The following CAMTA1 variants were observed in gnomAD, a reference collection of about 807,000 sequenced individuals.
CAMTA1 encodes the protein calmodulin binding transcription activator 1.
CAMTA1 carries 27 observed loss-of-function variants against 170.9 expected under a neutral mutation model. The observed-to-expected ratio is 0.16, with a 90% confidence interval of 0.12 to 0.22. CAMTA1 has a LOEUF of 0.22. Among genes scored for constraint, CAMTA1 ranks in the 10% least tolerant of loss-of-function variants. CAMTA1 has a pLI of 1.00. For missense variants in CAMTA1, 1,619 were observed against 2,217.2 expected (o/e 0.73, Z 5.42); for synonymous variants, 833 against 891.5 (o/e 0.93, Z 1.17).
intron 3 of CAMTA1, among the ~76,000 whole-genome samples, chr1:6,889,932 T>C (rs952673326): frequency 6.6e-6 from 1 of 152,228 alleles, no homozygotes; most frequent in African/African-American, 2.4e-5. Flanking sequence ...TTGAAAATTT[T>C]GACCAGCAAA....
intron 5 of CAMTA1, among the ~76,000 whole-genome samples, chr1:7,439,179 G>A (rs756157284): frequency 6.6e-5 from 10 of 152,124 alleles, no homozygotes; most frequent in South Asian, 2.1e-4. Flanking sequence ...GGTCGGGCCC[G>A]CCCTTGCTGA....
Position 7,633,354 on chromosome 1 carries a change from G to A in CAMTA1, c.511-7046G>A, listed in dbSNP as rs1193625840. On this transcript the variant is annotated intron_variant, in intron 6 of 22. Transcript: ENST00000303635. This position sits in a 1 kb window ranked among gnomAD's most constrained non-coding sequence, Gnocchi z 4.1. ...GCACAGCTGGGTTAAGGGACAAGCT[G>A]AACTTCCCTCAGAGAGGAAGAGCTG... Among the ~76,000 whole-genome samples the A allele has an allele frequency of 6.6e-6, 1 of 152,166 alleles. No homozygotes were observed. The highest frequency in any genetic ancestry group is 1.5e-5 in the Non-Finnish European group (1 of 68,028).
chr1:6,790,373 AGAGT>A (rs752151577), intron 1 of CAMTA1, among the ~76,000 whole-genome samples: 1,608 of 139,832 alleles, frequency 0.011, 11 homozygotes, highest in South Asian at 0.032. Context: ...AGAGAGAGAG[AGAGT>A]GTGTGTGTGT....
intron 10 of CAMTA1, among the ~76,000 whole-genome samples, chr1:7,671,454 C>T (rs770594271): frequency 3.3e-5 from 5 of 152,186 alleles, no homozygotes; most frequent in Admixed American, 6.5e-5. Context: ...CTCCCATGGC[C>T]CAAGCCAACC....
chr1:6,928,360 G>A (rs938220460), intron 3 of CAMTA1, among the ~76,000 whole-genome samples: 1 of 152,188 alleles, frequency 6.6e-6, no homozygotes, highest in African/African-American at 2.4e-5. Flanking sequence ...TTATAAGACA[G>A]GGAGTCTGAA....
chr1:6,967,857 C>G (rs1314174258), intron 3 of CAMTA1, among the ~76,000 whole-genome samples: 1 of 152,158 alleles, frequency 6.6e-6, no homozygotes, highest in East Asian at 1.9e-4. Flanking sequence ...TATTTTTTCT[C>G]TTCCAGAAAA....
chr1:7,211,954 T>G (rs1284485362), intron 4 of CAMTA1, among the ~76,000 whole-genome samples: 1 of 152,224 alleles, frequency 6.6e-6, no homozygotes, highest in Non-Finnish European at 1.5e-5. Context: ...CCGTTCATCT[T>G]TCCATATGTG....
At position 7,064,153 on chromosome 1, in the gene CAMTA1, CCCT is replaced by C. The variant is rs1209006238; in HGVS notation, c.235-27140_235-27138del. ...TTCTCCTCCTCCTCCTTCTCTTCTT[CCCT>C]CCTCCTCCTCTTCCTTCTTCTTCTC... On this transcript the variant is annotated intron_variant, in intron 3 of 22. Transcript: ENST00000303635. The surrounding 1 kb of genome is among the most constrained non-coding windows in gnomAD (Gnocchi z 5.4). Among the ~76,000 whole-genome samples, 1 of 150,560 alleles carries C rather than the reference CCCT, an allele frequency of 6.6e-6. No individual in the cohort carries two copies. The highest frequency in any genetic ancestry group is 1.5e-5 in the Non-Finnish European group (1 of 67,534).
In CAMTA1 at chr1:7,594,138, A is replaced by AGAAAGAAG. The variant is rs1491346440; in HGVS notation, c.511-46259_511-46258insAGAAGGAA. Among the ~76,000 whole-genome samples, 637 of 149,524 alleles carry AGAAAGAAG rather than the reference A, an allele frequency of 4.3e-3. 7 individuals carry two copies. Among genetic ancestry groups the AGAAAGAAG allele is most frequent in the African/African-American group, 0.014 (582 of 40,206 alleles). On this transcript the variant is annotated intron_variant, in intron 6 of 22. Transcript: ENST00000303635. ...AAGAGAGAAAGAAAGAAAGAAAGAAAGAAGGAAGGAAGGAAAGAAGGAAGG... is the reference window on the plus strand; with the variant it reads ...AAGAGAGAAAGAAAGAAAGAAAGAAAGAAAGAAGGAAGGAAGGAAGGAAAGAAGGAAGG...
chr1:7,162,815 GT>G (rs1436831856), intron 4 of CAMTA1, among the ~76,000 whole-genome samples: 1 of 152,152 alleles, frequency 6.6e-6, no homozygotes, highest in Non-Finnish European at 1.5e-5. Context: ...CTTCCCTTGG[GT>G]ATAGACATAG....
chr1:6,853,785 T>C (rs575379526), intron 3 of CAMTA1, among the ~76,000 whole-genome samples: 1 of 152,306 alleles, frequency 6.6e-6, no homozygotes, highest in East Asian at 1.9e-4. Context: ...CAAAGTGGGC[T>C]TTAGGGTAGA....
At chr1:7,198,191 T>C (rs1655923986) in intron 4 of CAMTA1, among the ~76,000 whole-genome samples, 1 of 151,886 alleles carries the variant, frequency 6.6e-6, no homozygotes, top group Non-Finnish European at 1.5e-5. Flanking sequence ...AAAGGTTGAA[T>C]TGTGCCTCAT....
rs147055604 is a variant in CAMTA1 at position 7,069,812 on chromosome 1, T to C, written c.235-21492T>C. Among the ~76,000 whole-genome samples, 477 of 152,348 alleles carry C rather than the reference T, an allele frequency of 3.1e-3. 2 individuals carry two copies. Among genetic ancestry groups the C allele is most frequent in the African/African-American group, 0.011 (456 of 41,578 alleles). On this transcript the variant is annotated intron_variant, in intron 3 of 22. Coordinates refer to ENST00000303635, the MANE Select transcript of CAMTA1 (RefSeq NM_015215.4). ...TGGAGCTGAGACTCCAGACTTACCCTGGGCCTAACTTGGGAAAATATTACG... is the reference window on the plus strand; with the variant it reads ...TGGAGCTGAGACTCCAGACTTACCCCGGGCCTAACTTGGGAAAATATTACG...
intron 4 of CAMTA1, among the ~76,000 whole-genome samples, chr1:7,199,848 C>T (rs1656324996): frequency 6.6e-6 from 1 of 152,004 alleles, no homozygotes; most frequent in African/African-American, 2.4e-5. Flanking sequence ...AGCCTCATAC[C>T]CGCCACCAGC....
In CAMTA1 at chr1:7,455,967, C is replaced by T. The variant is rs2149483344; in HGVS notation, c.439-11863C>T. On this transcript the variant is annotated intron_variant, in intron 5 of 22. Transcript: ENST00000303635. This position sits in a 1 kb window ranked among gnomAD's most constrained non-coding sequence, Gnocchi z 5.0. The stretch of plus-strand genomic sequence containing the variant: ...AGAGGGTACAGCCTGAGCCTCCTTA[C>T]CAAGGCTCAGGGTCCCACCGTTGGT... Among the ~76,000 whole-genome samples, 1 of 152,298 alleles carries T rather than the reference C, an allele frequency of 6.6e-6. No homozygotes were observed. Among genetic ancestry groups the T allele is most frequent in the South Asian group, 2.1e-4 (1 of 4,820 alleles).
intron 3 of CAMTA1, among the ~76,000 whole-genome samples, chr1:6,903,980 A>G (rs1331677329): frequency 1.3e-5 from 2 of 152,224 alleles, no homozygotes; most frequent in African/African-American, 4.8e-5. Context: ...AATTATCTAC[A>G]GTTTATTCCT....
intron 7 of CAMTA1, among the ~76,000 whole-genome samples, chr1:7,656,340 C>T (rs1340855398): frequency 1.3e-5 from 2 of 152,182 alleles, no homozygotes; most frequent in African/African-American, 4.8e-5. Context: ...TGCAGACAGC[C>T]ACCTTCTCAC....
At chr1:7,527,384 AAG>A (rs1450607982) in intron 6 of CAMTA1, among the ~76,000 whole-genome samples, 2 of 152,204 alleles carry the variant, frequency 1.3e-5, no homozygotes, top group African/African-American at 4.8e-5. Context: ...CTGGGCTAGA[AAG>A]AGAAAGCTGG....
intron 6 of CAMTA1, among the ~76,000 whole-genome samples, chr1:7,621,018 G>A (rs191549128): frequency 2.0e-5 from 3 of 152,270 alleles, no homozygotes; most frequent in East Asian, 1.9e-4. Flanking sequence ...AAGAGAGTGC[G>A]AGGGAAAGGC....
Sources: gnomAD v4.1 joint callset for allele counts (sites outside exome capture counted in the v4.1 genomes callset) on GRCh38, gnomAD v4.1.1 for gene constraint, Gnocchi (gnomAD v3.1) non-coding constraint, MANE v1.5 for transcripts, NCBI Gene and HGNC (gene_info 2026-07-23, HGNC 2026-07-21) for gene names.